PCBP3: variants seen among roughly 807,000 people sequenced by gnomAD.
PCBP3 encodes the protein poly(rC)-binding protein 3.
PCBP3 carries 25 observed loss-of-function variants against 52.7 expected under a neutral mutation model. The ratio of observed to expected loss-of-function variants is 0.47; its 90% CI spans 0.35 to 0.66. PCBP3 has a LOEUF of 0.66. Among genes scored for constraint, PCBP3 ranks in the 30% least tolerant of loss-of-function variants. The probability of loss-of-function intolerance (pLI) is 0.01; values close to 1 mark genes in which losing one functional copy is unlikely to be tolerated. For missense variants in PCBP3, 391 were observed against 490.3 expected (o/e 0.80, Z 1.91); for synonymous variants, 162 against 183.0 (o/e 0.89, Z 0.93).
intron 2 of PCBP3, among the ~76,000 whole-genome samples, chr21:45,680,711 A>G (rs1382747290): frequency 6.6e-6 from 1 of 152,170 alleles, no homozygotes; most frequent in African/African-American, 2.4e-5. Flanking sequence ...CACAGGTTAG[A>G]ATTTCCAGCA....
At chr21:45,922,462 GGGCAGTTACCTGAGCTCC>G (rs2074574494) in intron 13 of PCBP3, among the ~76,000 whole-genome samples, 1 of 152,070 alleles carries the variant, frequency 6.6e-6, no homozygotes, top group Admixed American at 6.6e-5. Flanking sequence ...GGCTAAGGTG[GGGCAGTTACCTGAGCTCC>G]GGCAGTCGAG....
chr21:45,719,267 G>T (rs529141935), intron 2 of PCBP3, among the ~76,000 whole-genome samples: 1 of 152,124 alleles, frequency 6.6e-6, no homozygotes, highest in Non-Finnish European at 1.5e-5. Flanking sequence ...ACTTGGGGCC[G>T]CTCTTGGGGA....
rs904109587 is a variant in PCBP3, at chr21:45,837,712, C to G, written c.-125-12249C>G. 6.6e-6 allele frequency among the ~76,000 whole-genome samples: 1 copy of G among 152,178 alleles called. No homozygotes were observed. The highest frequency in any genetic ancestry group is 2.1e-4 in the South Asian group (1 of 4,830). On this transcript the variant is annotated intron_variant, in intron 4 of 17. Transcript: ENST00000681687. This position sits in a 1 kb window ranked among gnomAD's most constrained non-coding sequence, Gnocchi z 4.1. Reference sequence around the variant, plus strand: ...ACTCAGATTTATTTTTCCTGTGAGGCGAGCGAGCTTCCTAGGTGGCACTGC... The same window carrying G: ...ACTCAGATTTATTTTTCCTGTGAGGGGAGCGAGCTTCCTAGGTGGCACTGC...
chr21:45,861,283 A>G (rs1239010442), intron 5 of PCBP3, among the ~76,000 whole-genome samples: 1 of 151,822 alleles, frequency 6.6e-6, no homozygotes, highest in African/African-American at 2.4e-5. Flanking sequence ...GTAGCCACCC[A>G]CCTTCCACCC....
chr21:45,711,782 G>A (rs549657695), intron 2 of PCBP3, among the ~76,000 whole-genome samples: 11 of 152,262 alleles, frequency 7.2e-5, no homozygotes, highest in South Asian at 4.1e-4. Flanking sequence ...CCTAAATGAC[G>A]TTTTAAAATA....
rs771354379 is a variant in PCBP3, at chr21:45,914,093, C to G, written c.675+68C>G. On this transcript the variant is annotated intron_variant, in intron 12 of 17. Transcript: ENST00000681687. ...CTTTTACTGCAGCACCCGCCGCTGC[C>G]CGTTAGTGCACTCAGGTTTTCTCGC... 10 of 1,610,394 alleles carry G rather than the reference C, an allele frequency of 6.2e-6. No individual in the cohort carries two copies. The South Asian group carries it at 1.1e-4, about 18-fold the overall frequency.
At chr21:45,862,860 C>T (rs1317852356) in intron 5 of PCBP3, among the ~76,000 whole-genome samples, 1 of 152,206 alleles carries the variant, frequency 6.6e-6, no homozygotes, top group Non-Finnish European at 1.5e-5. Context: ...TCTTGTGTAA[C>T]ATGGTGGGAT....
intron 2 of PCBP3, among the ~76,000 whole-genome samples, chr21:45,690,127 A>C (rs775502387): frequency 2.0e-5 from 3 of 152,302 alleles, no homozygotes; most frequent in Middle Eastern, 3.4e-3. Flanking sequence ...ATATGATAGC[A>C]TAGGGATAGG....
chr21:45,786,969 C>G (rs1280910407), intron 4 of PCBP3, among the ~76,000 whole-genome samples: 1 of 152,178 alleles, frequency 6.6e-6, no homozygotes, highest in African/African-American at 2.4e-5. Flanking sequence ...ATGGAAAGGG[C>G]CCGTGCTGCA....
At chr21:45,919,761 A>T (rs993724679) in intron 13 of PCBP3, among the ~76,000 whole-genome samples, 4 of 152,154 alleles carry the variant, frequency 2.6e-5, no homozygotes, top group African/African-American at 9.7e-5. Context: ...ACCGGAAGGC[A>T]CTGTTGGGGC....
chr21:45,913,905 G>A (rs367681828), intron 11 of PCBP3, 46 bp from the exon 12 acceptor site: 163 of 1,558,926 alleles, frequency 1.0e-4, no homozygotes, highest in East Asian at 3.0e-4. Context: ...GCCAGGCTGC[G>A]AAGCTGCTCT....
At chr21:45,922,140 A>C (rs1449496516) in intron 13 of PCBP3, among the ~76,000 whole-genome samples, 2 of 152,180 alleles carry the variant, frequency 1.3e-5, no homozygotes, top group Non-Finnish European at 2.9e-5. Context: ...CAGAGCCGAG[A>C]GCGCCCACAC....
chr21:45,743,850 C>T (rs1458699490), intron 3 of PCBP3, among the ~76,000 whole-genome samples: 1 of 151,920 alleles, frequency 6.6e-6, no homozygotes, highest in Non-Finnish European at 1.5e-5. Context: ...CCATGTTTTT[C>T]TATCCTTTAA....
intron 4 of PCBP3, among the ~76,000 whole-genome samples, chr21:45,777,949 T>C (rs1280105154): frequency 2.6e-5 from 4 of 151,460 alleles, no homozygotes; most frequent in Non-Finnish European, 5.9e-5. Flanking sequence ...TGGAGAATTA[T>C]TGTGTTCCTT....
At chr21:45,749,027 A>C (rs996558747) in intron 3 of PCBP3, among the ~76,000 whole-genome samples, 1 of 152,210 alleles carries the variant, frequency 6.6e-6, no homozygotes, top group African/African-American at 2.4e-5. Flanking sequence ...TCTTTCTAGG[A>C]ACAAACATAT....
rs138679771 is a variant in PCBP3 at position 45,704,561 on chromosome 21, C to T, written c.-199-30831C>T. ...GCTGCTGGCGGTGGGGGGCGGTGAT[C>T]GGATATGGGAAGGAGGGAGACATGG... On this transcript the variant is annotated intron_variant, in intron 2 of 17. Coordinates refer to ENST00000681687, the MANE Select transcript of PCBP3 (RefSeq NM_001384156.1). The surrounding 1 kb of genome is among the most constrained non-coding windows in gnomAD (Gnocchi z 4.1). 8.6e-4 allele frequency among the ~76,000 whole-genome samples: 131 copies of T among 151,976 alleles called. No individual in the cohort carries two copies. The highest frequency in any genetic ancestry group is 2.9e-3 in the African/African-American group (121 of 41,452).
At chr21:45,767,641 A>G (rs751385264) in intron 4 of PCBP3, among the ~76,000 whole-genome samples, 10 of 152,190 alleles carry the variant, frequency 6.6e-5, no homozygotes, top group Non-Finnish European at 1.3e-4. Flanking sequence ...TGCCTTCTTG[A>G]GGTGGCACTT....
chr21:45,936,011 T>A (rs1475032039), intron 16 of PCBP3, among the ~76,000 whole-genome samples: 2 of 152,210 alleles, frequency 1.3e-5, no homozygotes, highest in Non-Finnish European at 2.9e-5. Flanking sequence ...GTGTGGGCTG[T>A]GGAGGTGGCT....
intron 4 of PCBP3, among the ~76,000 whole-genome samples, chr21:45,824,410 T>C (rs2093249596): frequency 6.6e-6 from 1 of 152,234 alleles, no homozygotes; most frequent in African/African-American, 2.4e-5. Flanking sequence ...AAGGTTGGCT[T>C]TAGAAGCCAC....
Sources: allele counts gnomAD v4.1 joint callset (sites outside exome capture counted in the v4.1 genomes callset), GRCh38; gene constraint gnomAD v4.1.1; non-coding constraint Gnocchi (gnomAD v3.1); transcripts MANE v1.5; gene names NCBI Gene and HGNC (gene_info 2026-07-23, HGNC 2026-07-21).